The following HS3ST3A1 variants were observed in gnomAD, a reference collection of about 807,000 sequenced individuals.
HS3ST3A1 encodes heparan sulfate glucosamine 3-O-sulfotransferase 3A1.
HS3ST3A1 carries 19 observed loss-of-function variants against 25.7 expected under a neutral mutation model. The ratio of observed to expected loss-of-function variants is 0.74; its 90% confidence interval spans 0.52 to 1.08. The LOEUF is 1.08. Ranked by LOEUF, HS3ST3A1 falls within the 50% of genes least tolerant of loss-of-function variation. The pLI, the probability that HS3ST3A1 is intolerant of heterozygous loss-of-function variation, is 0.00. For missense variants in HS3ST3A1, 459 were observed against 594.3 expected, an observed-to-expected ratio of 0.77 and a Z score of 2.37; for synonymous variants, 226 against 278.6, an observed-to-expected ratio of 0.81 and a Z score of 1.88.
chr17:13,527,698 A>G (rs1232263008), intron 1 of HS3ST3A1, among the ~76,000 whole-genome samples: 1 of 152,206 alleles, frequency 6.6e-6, no homozygotes, highest in Non-Finnish European at 1.5e-5. Context: ...ACTCTGCTCC[A>G]ATGTATTCCC....
At chr17:13,596,195 C>T (rs2142398108) in intron 1 of HS3ST3A1, among the ~76,000 whole-genome samples, 1 of 152,232 alleles carries the variant, frequency 6.6e-6, no homozygotes, top group Non-Finnish European at 1.5e-5. Flanking sequence ...AAAGGAATAT[C>T]CATTCACACA....
chr17:13,560,289 CAAAAAAAAAAAAAAAAAA>C (rs10632927), intron 1 of HS3ST3A1, among the ~76,000 whole-genome samples: 11 of 17,378 alleles, frequency 6.3e-4, no homozygotes, highest in Admixed American at 2.4e-3. Flanking sequence ...CACTCGTCTC[CAAAAAAAAAAAAAAAAAA>C]AAAAAAAAAA....
chr17:13,553,317 G>A (rs530349205), intron 1 of HS3ST3A1, among the ~76,000 whole-genome samples: 23 of 152,286 alleles, frequency 1.5e-4, no homozygotes, highest in East Asian at 1.2e-3. Context: ...CATGAAGACC[G>A]CCATGACATA....
In HS3ST3A1 at chr17:13,500,982, T is replaced by A. The variant is rs185292335; in HGVS notation, c.600-4164A>T. On this transcript the variant is annotated intron_variant, in intron 1 of 1. Transcript: ENST00000284110. ...CCAACATAGATGAACCCTGGGGACATTATGCCAAGTGAAATAATCCAGTGA... is the reference window on the plus strand; with the variant it reads ...CCAACATAGATGAACCCTGGGGACAATATGCCAAGTGAAATAATCCAGTGA... 7.5e-4 allele frequency among the ~76,000 whole-genome samples: 114 copies of A among 152,328 alleles called. 1 individual carries two copies. Among genetic ancestry groups the A allele is most frequent in the African/African-American group, 2.6e-3 (109 of 41,578 alleles).
chr17:13,569,029 G>A (rs1907739676), intron 1 of HS3ST3A1, among the ~76,000 whole-genome samples: 1 of 152,172 alleles, frequency 6.6e-6, no homozygotes, highest in African/African-American at 2.4e-5. Context: ...TGCTGAGCCT[G>A]GGAGGCAGGG....
chr17:13,554,152 A>G (rs935379944), intron 1 of HS3ST3A1, among the ~76,000 whole-genome samples: 1 of 152,174 alleles, frequency 6.6e-6, no homozygotes, highest in Admixed American at 6.5e-5. Flanking sequence ...ATTCGATTGT[A>G]CCTTTTTTCT....
At chr17:13,499,709 G>C (rs570669254) in intron 1 of HS3ST3A1, among the ~76,000 whole-genome samples, 2 of 151,960 alleles carry the variant, frequency 1.3e-5, no homozygotes, top group Non-Finnish European at 2.9e-5. Flanking sequence ...ACTAAAACAA[G>C]GAACCATATT....
intron 1 of HS3ST3A1, among the ~76,000 whole-genome samples, chr17:13,575,475 G>A (rs1008903995): frequency 6.6e-6 from 1 of 152,096 alleles, no homozygotes; most frequent in African/African-American, 2.4e-5. Context: ...TTCCAATCAG[G>A]GAGTTTTTGC....
At chr17:13,580,986 T>C (rs1316172004) in intron 1 of HS3ST3A1, among the ~76,000 whole-genome samples, 1 of 152,194 alleles carries the variant, frequency 6.6e-6, no homozygotes, top group Non-Finnish European at 1.5e-5. Context: ...TGTATTCCTG[T>C]GAGGCTGGGT....
At chr17:13,532,211 G>T (rs1335146282) in intron 1 of HS3ST3A1, among the ~76,000 whole-genome samples, 1 of 152,144 alleles carries the variant, frequency 6.6e-6, no homozygotes, top group African/African-American at 2.4e-5. Context: ...CTGAACACAG[G>T]ATCTTCTACA....
At chr17:13,535,052 T>TAAATAAAA (rs1906729025) in intron 1 of HS3ST3A1, among the ~76,000 whole-genome samples, 1 of 151,864 alleles carries the variant, frequency 6.6e-6, no homozygotes, top group Non-Finnish European at 1.5e-5. Context: ...AATAAATAAA[T>TAAATAAAA]AAAATGAAAC....
At chr17:13,596,864 C>A (rs985494027) in intron 1 of HS3ST3A1, among the ~76,000 whole-genome samples, 4 of 152,086 alleles carry the variant, frequency 2.6e-5, no homozygotes, top group Non-Finnish European at 5.9e-5. Flanking sequence ...ATGCCAATTT[C>A]TCCTCCTAGG....
intron 1 of HS3ST3A1, among the ~76,000 whole-genome samples, chr17:13,512,226 G>A (rs1905887769): frequency 6.7e-6 from 1 of 149,118 alleles, no homozygotes; most frequent in Non-Finnish European, 1.5e-5. Context: ...GTGAACCCGG[G>A]AAGCGGAGCT....
At chr17:13,584,951 C>T (rs1248368069) in intron 1 of HS3ST3A1, among the ~76,000 whole-genome samples, 1 of 152,070 alleles carries the variant, frequency 6.6e-6, no homozygotes. Context: ...TCTGTCACAC[C>T]GCAAAAGCCC....
chr17:13,568,887 A>T (rs896463662), intron 1 of HS3ST3A1, among the ~76,000 whole-genome samples: 1 of 152,198 alleles, frequency 6.6e-6, no homozygotes, highest in South Asian at 2.1e-4. Context: ...CTCACACTTC[A>T]CGGGAAGCAT....
Position 13,542,726 on chromosome 17 carries a change from AT to A in HS3ST3A1, c.600-45909del, listed in dbSNP as rs1759046967. Among the ~76,000 whole-genome samples, 6 of 152,194 alleles carry A rather than the reference AT, an allele frequency of 3.9e-5. No homozygotes were observed. The South Asian group carries it at 1.2e-3, about 32-fold the overall frequency. On this transcript the variant is annotated intron_variant, in intron 1 of 1. Coordinates refer to ENST00000284110, the MANE Select transcript of HS3ST3A1 (RefSeq NM_006042.3). ...TCTAAAGCAATAAATTTCTTTGTGA[AT>A]GTTAATGAGATGACTGGTGGCTGGG...
chr17:13,543,269 A>T (rs1306129773), intron 1 of HS3ST3A1, among the ~76,000 whole-genome samples: 1 of 152,152 alleles, frequency 6.6e-6, no homozygotes, highest in African/African-American at 2.4e-5. Context: ...CAGTCTTGTG[A>T]GACTGAGCCC....
chr17:13,599,936 G>A (rs528374492), intron 1 of HS3ST3A1, among the ~76,000 whole-genome samples: 40 of 152,316 alleles, frequency 2.6e-4, no homozygotes, highest in African/African-American at 9.4e-4. Flanking sequence ...ATTGCCAAGC[G>A]TCCTTTAAAA....
chr17:13,530,349 C>T (rs1036173704), intron 1 of HS3ST3A1, among the ~76,000 whole-genome samples: 2 of 152,060 alleles, frequency 1.3e-5, no homozygotes, highest in Admixed American at 1.3e-4. Flanking sequence ...ACAACAATAT[C>T]AACAAGGTAG....
Sources: gnomAD v4.1 joint callset for allele counts (sites outside exome capture counted in the v4.1 genomes callset) on GRCh38, gnomAD v4.1.1 for gene constraint, MANE v1.5 for transcripts, NCBI Gene and HGNC (gene_info 2026-07-23, HGNC 2026-07-21) for gene names.